HDAC6: variants seen among roughly 807,000 people sequenced by gnomAD.
HDAC6 encodes the protein histone deacetylase 6, also known as protein deacetylase HDAC6.
A neutral mutation model predicts 88.9 loss-of-function variants in HDAC6; 5 were observed. That is an observed-to-expected ratio of 0.06 (90% CI 0.03 to 0.12). HDAC6 has a LOEUF of 0.12. Ranked by LOEUF, HDAC6 falls within the 10% of genes least tolerant of loss-of-function variation. The pLI is 1.00. For missense variants in HDAC6, 706 were observed against 1,014.4 expected (o/e 0.70, Z 4.13); for synonymous variants, 378 against 398.0 (o/e 0.95, Z 0.60).
At chrX:48,810,425 G>A (rs1298147591) in intron 10 of HDAC6, among the ~76,000 whole-genome samples, 1 of 110,476 alleles carries the variant, frequency 9.1e-6, no homozygotes, top group Non-Finnish European at 1.9e-5. Context: ...TTAATAGTAG[G>A]TAGACATTTT....
At chrX:48,817,949 C>T (rs2063015650) in intron 20 of HDAC6, 92 bp from the exon 21 acceptor site, 7 of 813,305 alleles carry the variant, frequency 8.6e-6, no homozygotes, top group Non-Finnish European at 1.3e-5. Flanking sequence ...TGCCACTCAG[C>T]ACTAAATGCC....
rs782470550 is a variant in HDAC6, at chrX:48,815,666, G to A, written c.1324+24G>A. On this transcript the variant is annotated intron_variant, in intron 16 of 28. Transcript: ENST00000334136. ...AAGTAGGAAGTGGGGTGTGGGCCTG[G>A]TGTGGGGTGGACGTGGGATGAGCCC... 5.1e-6 allele frequency: 6 copies of A among 1,174,118 alleles called. No homozygotes were observed. The South Asian group carries it at 8.9e-5, about 17-fold the overall frequency.
chrX:48,814,408 A>C, intron 10 of HDAC6, 32 bp from the exon 11 acceptor site: 1 of 1,206,583 alleles, frequency 8.3e-7, no homozygotes, highest in Non-Finnish European at 1.1e-6. Flanking sequence ...TGACTTCTCC[A>C]ACTCTCTTAC....
intron 3 of HDAC6, 50 bp downstream of exon 3, chrX:48,803,049 A>G: frequency 8.3e-7 from 1 of 1,201,975 alleles, no homozygotes; most frequent in Non-Finnish European, 1.1e-6. Context: ...TCAAAACCCA[A>G]AGGTTCCCCA....
intron 22 of HDAC6, among the ~76,000 whole-genome samples, chrX:48,818,753 G>T (rs782275540): frequency 2.7e-5 from 3 of 112,315 alleles, no homozygotes; most frequent in African/African-American, 9.7e-5. Context: ...ATGTGCGTGT[G>T]CGACTCTGTG....
upstream of HDAC6, chrX:48,801,837 A>G (rs1287179241): frequency 1.3e-5 from 13 of 969,877 alleles, no homozygotes; most frequent in South Asian, 2.0e-5. Context: ...ACGAGGCCCA[A>G]TGGAAAAGAA....
At chrX:48,808,852 A>G (rs782776738) in intron 10 of HDAC6, among the ~76,000 whole-genome samples, 50 of 112,529 alleles carry the variant, frequency 4.4e-4, no homozygotes, top group Non-Finnish European at 8.4e-4. Flanking sequence ...AGTTTAGGTT[A>G]TATCCTTACA....
intron 18 of HDAC6, 62 bp from the exon 19 acceptor site, chrX:48,816,403 G>C (rs2062986106): frequency 8.9e-7 from 1 of 1,127,053 alleles, no homozygotes; most frequent in East Asian, 3.2e-5. Context: ...CTTAGGGGTG[G>C]GGACCAGGGA....
intron 10 of HDAC6, among the ~76,000 whole-genome samples, chrX:48,809,130 A>C (rs2147343872): frequency 8.9e-6 from 1 of 111,961 alleles, no homozygotes; most frequent in Non-Finnish European, 1.9e-5. Flanking sequence ...TACTGTGAAT[A>C]GTCTAGTAAA....
chrX:48,805,990 G>A (rs1394411685), intron 6 of HDAC6: 3 of 386,584 alleles, frequency 7.8e-6, no homozygotes, highest in African/African-American at 2.5e-5. Flanking sequence ...TCCCCCAGGG[G>A]CTTCCAGATT....
At chrX:48,819,313 A>T (rs1951861567) in intron 22 of HDAC6, 2 of 117,202 alleles carry the variant, frequency 1.7e-5, no homozygotes, top group Admixed American at 1.7e-4. Flanking sequence ...GTGTGGCAGT[A>T]CGTGTGGCTC....
At chrX:48,820,821 G>GTTT (rs2063068584) in intron 23 of HDAC6, among the ~76,000 whole-genome samples, 1 of 110,332 alleles carries the variant, frequency 9.1e-6, no homozygotes, top group Admixed American at 9.5e-5. Context: ...TTTGGATCTG[G>GTTT]TTTTTTGTTG....
In HDAC6 at chrX:48,816,504, GA is replaced by G; in HGVS notation, c.1666del (p.Thr556ProfsTer44). 8.3e-7 allele frequency: 1 copy of G among 1,208,013 alleles called. No individual in the cohort carries two copies. Among genetic ancestry groups the G allele is most frequent in the Non-Finnish European group, 1.1e-6 (1 of 893,537 alleles). ...VGHLRATEKM[K>X]TRELHRESSN... The stretch of plus-strand genomic sequence containing the variant: ...GTCATCTCCGGGCCACAGAGAAAAT[GA>G]AAACCCGGGAGCTGCACCGTGAGAG... On this transcript the variant is annotated frameshift_variant, in exon 19 of 29. Coordinates refer to ENST00000334136, the MANE Select transcript of HDAC6 (RefSeq NM_006044.4). LOFTEE classifies it high-confidence loss of function.
intron 5 of HDAC6, 45 bp from the exon 6 acceptor site, chrX:48,805,586 C>T (rs1557023972): frequency 2.5e-6 from 3 of 1,182,127 alleles, no homozygotes; most frequent in East Asian, 3.0e-5. Flanking sequence ...GGGTGCAGCC[C>T]ATGCCTTAAC....
chrX:48,811,113 G>A (rs1353069040), intron 10 of HDAC6: 2 of 111,116 alleles, frequency 1.8e-5, no homozygotes, highest in African/African-American at 6.6e-5. Context: ...AGACCAGTCT[G>A]GCCAACATGG....
chrX:48,819,245 C>T (rs1189913342), intron 22 of HDAC6, among the ~76,000 whole-genome samples: 1 of 112,028 alleles, frequency 8.9e-6, no homozygotes, highest in Non-Finnish European at 1.9e-5. Context: ...CTTTGAGAAA[C>T]TGTGTGTGTG....
At chrX:48,805,946 T>C (rs1557024141) in intron 6 of HDAC6, 7 of 415,912 alleles carry the variant, frequency 1.7e-5, no homozygotes, top group Non-Finnish European at 4.2e-6. Context: ...ATTGTGTGAA[T>C]AGATGGTGGA....
intron 22 of HDAC6, 116 bp from the exon 23 acceptor site, chrX:48,819,990 C>A: frequency 1.4e-6 from 1 of 725,055 alleles, no homozygotes; most frequent in Non-Finnish European, 2.1e-6. Flanking sequence ...ATCTCTCTGA[C>A]TTGCATCTCC....
chrX:48,822,966 C>G lies in HDAC6; in HGVS notation c.2567C>G (p.Pro856Arg). 1 of 1,206,369 alleles carries G rather than the reference C, an allele frequency of 8.3e-7. No individual in the cohort carries two copies. The highest frequency in any genetic ancestry group is 1.1e-6 in the Non-Finnish European group (1 of 892,535). ...SSSKLVTKKA[P>R]QPAKPRLAER... ...TCTAAGTTGGTCACCAAGAAGGCAC[C>G]CCAACCAGCCAAACCTAGGTTAGCT... is the stretch of plus-strand genomic sequence containing the variant. The change falls in exon 25 of 29, where the codon CCC becomes CGC. Residue 856 changes from proline to arginine, a missense_variant. Pro to Arg is a moderately radical substitution (Grantham distance 103). Around this residue, in one of 9 missense-constraint regions of HDAC6, gnomAD observed 89 missense variants for 90.9 expected, o/e 0.98. Coordinates refer to ENST00000334136, the MANE Select transcript of HDAC6 (RefSeq NM_006044.4).
Sources: gnomAD v4.1 joint callset for allele counts (sites outside exome capture counted in the v4.1 genomes callset) on GRCh38, gnomAD v4.1.1 for gene constraint, gnomAD v4.1.1 regional missense constraint, MANE v1.5 for transcripts, NCBI Gene and HGNC (gene_info 2026-07-23, HGNC 2026-07-21) for gene names.